The following KCNMA1 variants were observed in gnomAD, a reference collection of about 807,000 sequenced individuals.
KCNMA1 encodes potassium calcium-activated channel subfamily M alpha 1.
Under a neutral mutation model 140.0 loss-of-function variants are expected in KCNMA1, and 29 were observed. The ratio of observed to expected loss-of-function variants is 0.21; its 90% CI spans 0.15 to 0.28. The LOEUF is 0.28. Among genes scored for constraint, KCNMA1 ranks in the 10% least tolerant of loss-of-function variants. The pLI is 1.00. For synonymous variants in KCNMA1, 612 were observed against 611.9 expected (o/e 1.00, Z 0.00); for missense variants, 880 against 1,602.2 (o/e 0.55, Z 7.70).
chr10:77,294,493 C>T (rs936916172), intron 2 of KCNMA1, among the ~76,000 whole-genome samples: 5 of 152,236 alleles, frequency 3.3e-5, no homozygotes, highest in Admixed American at 3.3e-4. Flanking sequence ...ATTTAAGGTG[C>T]ACATAACCTG....
chr10:77,445,098 C>T (rs953962469), intron 1 of KCNMA1, among the ~76,000 whole-genome samples: 3 of 152,082 alleles, frequency 2.0e-5, no homozygotes, highest in Non-Finnish European at 2.9e-5. Context: ...ACGGCAAGGA[C>T]CACCCAGCAG....
chr10:76,904,591 A>C (rs926999979), intron 25 of KCNMA1: 3 of 152,090 alleles, frequency 2.0e-5, no homozygotes, highest in South Asian at 2.1e-4. Context: ...TAAAAAAAAA[A>C]CGACAACACT....
At chr10:76,942,524 C>T (rs991290936) in intron 23 of KCNMA1, among the ~76,000 whole-genome samples, 10 of 152,246 alleles carry the variant, frequency 6.6e-5, no homozygotes, top group African/African-American at 2.2e-4. Context: ...CTGTCAAAAC[C>T]TATTTTTCTT....
intron 1 of KCNMA1, among the ~76,000 whole-genome samples, chr10:77,516,223 C>T (rs368600224): frequency 1.4e-4 from 21 of 152,184 alleles, no homozygotes; most frequent in East Asian, 1.4e-3. Context: ...AGCCACCCTC[C>T]TCCCATCCTT....
At chr10:77,636,663 T>A (rs886169999) in intron 1 of KCNMA1, 17 of 1,535,388 alleles carry the variant, frequency 1.1e-5, no homozygotes, top group East Asian at 2.4e-5. Context: ...GTGGGATGGA[T>A]CTCCCCAACT....
chr10:77,146,695 T>C (rs1597152241), intron 5 of KCNMA1, among the ~76,000 whole-genome samples: 1 of 64,588 alleles, frequency 1.5e-5, no homozygotes, highest in South Asian at 7.3e-4. Context: ...GAGCAAGACT[T>C]CATCTCAAAA....
At position 77,110,471 on chromosome 10, in the gene KCNMA1, G is replaced by T; in HGVS notation, c.961-128C>A. 3 of 824,608 alleles carry T rather than the reference G, an allele frequency of 3.6e-6. No individual in the cohort carries two copies. In the East Asian group the frequency reaches 7.4e-5, roughly 20 times the overall value. 51.1% of individuals were successfully genotyped at this position (824,608 alleles called of 1,614,324 possible). ...GCACACCACTCTCCACACGAGATGT[G>T]TGGTTCCCGGGCTGAGTTCTGTGAG... On this transcript the variant is annotated intron_variant, in intron 7 of 27. Transcript: ENST00000286628.
At chr10:77,544,504 G>A (rs1196202896) in intron 1 of KCNMA1, among the ~76,000 whole-genome samples, 5 of 152,114 alleles carry the variant, frequency 3.3e-5, no homozygotes, top group African/African-American at 1.2e-4. Flanking sequence ...CCATCCCACT[G>A]CAGGGCAACT....
At chr10:77,239,085 G>A (rs944945994) in intron 3 of KCNMA1, among the ~76,000 whole-genome samples, 4 of 152,146 alleles carry the variant, frequency 2.6e-5, no homozygotes, top group African/African-American at 9.7e-5. Flanking sequence ...GTACTCAAAG[G>A]CACTGGAAGA....
chr10:77,301,087 T>C (rs889129565), intron 2 of KCNMA1, among the ~76,000 whole-genome samples: 11 of 152,184 alleles, frequency 7.2e-5, no homozygotes, highest in Admixed American at 7.2e-4. Context: ...CTGCAGCTAA[T>C]GAGTAGCTGG....
At chr10:77,315,512 G>A (rs1330601178) in intron 2 of KCNMA1, 2 of 152,212 alleles carry the variant, frequency 1.3e-5, no homozygotes, top group East Asian at 1.9e-4. Flanking sequence ...TTAGAATGGT[G>A]ATTTTTTTCC....
intron 3 of KCNMA1, chr10:77,217,605 C>T: frequency 2.3e-6 from 1 of 442,772 alleles, no homozygotes; most frequent in Non-Finnish European, 4.6e-6. Context: ...ACAGACAGAA[C>T]AAAGTGGAAA....
chr10:77,473,936 G>A (rs149721243), intron 1 of KCNMA1, among the ~76,000 whole-genome samples: 18 of 152,220 alleles, frequency 1.2e-4, no homozygotes, highest in Non-Finnish European at 2.1e-4. Flanking sequence ...CTAGCTCCCC[G>A]CTCAGCCTCG....
At chr10:77,098,096 T>A (rs1299756631) in intron 9 of KCNMA1, among the ~76,000 whole-genome samples, 3 of 152,140 alleles carry the variant, frequency 2.0e-5, no homozygotes, top group Admixed American at 2.0e-4. Flanking sequence ...ACCTCCACCA[T>A]CCCAAATCAC....
intron 18 of KCNMA1, among the ~76,000 whole-genome samples, chr10:77,007,653 G>GTGTGTGTATATATATATATAAATA: frequency 1.1e-5 from 1 of 88,482 alleles, no homozygotes; most frequent in Non-Finnish European, 2.3e-5. Flanking sequence ...TTGTGTGTGT[G>GTGTGTGTATATATATATATAAATA]TATATATATA....
In KCNMA1 at chr10:76,987,378, T is replaced by A. The variant is rs142706239; in HGVS notation, c.2266+14029A>T. ...GCTAGTTAAGAAGGCTTCACAGAGATGGCAGTACTTGAGCTGTACCTTCAC... is the reference window on the plus strand; with the variant it reads ...GCTAGTTAAGAAGGCTTCACAGAGAAGGCAGTACTTGAGCTGTACCTTCAC... On this transcript the variant is annotated intron_variant, in intron 19 of 27. Transcript: ENST00000286628. Among the ~76,000 whole-genome samples the A allele has an allele frequency of 3.3e-5, 5 of 152,308 alleles. No individual in the cohort carries two copies. The East Asian group carries it at 9.6e-4, about 29-fold the overall frequency.
At chr10:77,001,281 A>G in intron 19 of KCNMA1, 126 bp downstream of exon 19, 1 of 849,408 alleles carries the variant, frequency 1.2e-6, no homozygotes, top group Non-Finnish European at 1.9e-6. Flanking sequence ...ATGTCAGCAC[A>G]CAGGAGTTCA....
intron 23 of KCNMA1, among the ~76,000 whole-genome samples, chr10:76,931,244 T>C (rs777817837): frequency 3.9e-5 from 6 of 152,286 alleles, no homozygotes; most frequent in Admixed American, 6.5e-5. Context: ...ACAATGTATA[T>C]GTATATCAAA....
At chr10:77,259,806 G>A (rs1418393268) in intron 2 of KCNMA1, among the ~76,000 whole-genome samples, 1 of 152,202 alleles carries the variant, frequency 6.6e-6, no homozygotes, top group Non-Finnish European at 1.5e-5. Context: ...ACATGTCTTT[G>A]TGCAATCATT....
Sources: gnomAD v4.1 joint callset for allele counts (sites outside exome capture counted in the v4.1 genomes callset) on GRCh38, gnomAD v4.1.1 for gene constraint, MANE v1.5 for transcripts, NCBI Gene and HGNC (gene_info 2026-07-23, HGNC 2026-07-21) for gene names.